DCBLD2: variants seen among roughly 807,000 people sequenced by gnomAD.
DCBLD2 encodes discoidin, CUB and LCCL domain containing 2, also known as discoidin, CUB and LCCL domain-containing protein 2.
A neutral mutation model predicts 86.8 loss-of-function variants in DCBLD2; 54 were observed. That is an observed-to-expected ratio of 0.62 (90% CI 0.50 to 0.78). The LOEUF (loss-of-function observed/expected upper bound fraction) is 0.78. Ranked by LOEUF, DCBLD2 falls within the 30% of genes least tolerant of loss-of-function variation. The probability of loss-of-function intolerance (pLI) is 0.00; values close to 1 mark genes in which losing one functional copy is unlikely to be tolerated. For missense variants in DCBLD2, 908 were observed against 954.2 expected (o/e 0.95, Z 0.64); for synonymous variants, 354 against 341.3 (o/e 1.04, Z -0.41).
At chr3:98,867,036 T>G (rs1576191818) in intron 2 of DCBLD2, among the ~76,000 whole-genome samples, 1 of 152,232 alleles carries the variant, frequency 6.6e-6, no homozygotes, top group Non-Finnish European at 1.5e-5. Flanking sequence ...GTATTATTTC[T>G]GAGGGCTCTG....
intron 1 of DCBLD2, among the ~76,000 whole-genome samples, chr3:98,883,495 C>T (rs1236434872): frequency 6.6e-6 from 1 of 152,104 alleles, no homozygotes; most frequent in Non-Finnish European, 1.5e-5. Flanking sequence ...CAGCTAAATA[C>T]AGAAACTTAG....
At chr3:98,879,585 C>T (rs1170131116) in intron 2 of DCBLD2, among the ~76,000 whole-genome samples, 1 of 152,126 alleles carries the variant, frequency 6.6e-6, no homozygotes, top group Non-Finnish European at 1.5e-5. Context: ...GGCAGGGTTT[C>T]ACCATGTTAG....
chr3:98,857,532 C>A (rs1942958236), intron 2 of DCBLD2, among the ~76,000 whole-genome samples: 1 of 152,152 alleles, frequency 6.6e-6, no homozygotes, highest in African/African-American at 2.4e-5. Context: ...CGTTTACAAT[C>A]CCTGAGCTAG....
chr3:98,872,371 CCTCT>C (rs1943294259), intron 2 of DCBLD2, among the ~76,000 whole-genome samples: 1 of 152,076 alleles, frequency 6.6e-6, no homozygotes, highest in East Asian at 1.9e-4. Context: ...TCCTCGGTCC[CCTCT>C]CTCTCTGCAC....
At chr3:98,848,257 A>G (rs894234490) in intron 3 of DCBLD2, among the ~76,000 whole-genome samples, 1 of 152,210 alleles carries the variant, frequency 6.6e-6, no homozygotes, top group African/African-American at 2.4e-5. Context: ...TAGTTTGCTA[A>G]AGATAAGGGC....
chr3:98,862,962 T>C (rs949125770), intron 2 of DCBLD2, among the ~76,000 whole-genome samples: 4 of 152,118 alleles, frequency 2.6e-5, no homozygotes, highest in African/African-American at 7.2e-5. Context: ...GATTGTATAT[T>C]TAGAAAACCC....
intron 1 of DCBLD2, among the ~76,000 whole-genome samples, chr3:98,889,211 G>A (rs1435784911): frequency 2.0e-5 from 3 of 151,922 alleles, no homozygotes; most frequent in Non-Finnish European, 2.9e-5. Flanking sequence ...ACTATAGAAA[G>A]AGAAAAAACT....
chr3:98,885,816 A>G (rs1943552097), intron 1 of DCBLD2, among the ~76,000 whole-genome samples: 2 of 151,750 alleles, frequency 1.3e-5, no homozygotes, highest in Non-Finnish European at 2.9e-5. Flanking sequence ...AGAGGACCCC[A>G]CAGAAGCAAT....
At chr3:98,864,037 G>A (rs2107502735) in intron 2 of DCBLD2, among the ~76,000 whole-genome samples, 1 of 152,218 alleles carries the variant, frequency 6.6e-6, no homozygotes, top group East Asian at 1.9e-4. Context: ...TCAACAAGTG[G>A]GCGAACGATA....
rs1559781597 is a variant in DCBLD2 at position 98,839,179 on chromosome 3, T to TTCCTTCCTTCCTTCCTTC, written c.571+10281_571+10282insGAAGGAAGGAAGGAAGGA. On this transcript the variant is annotated intron_variant, in intron 3 of 15. Transcript: ENST00000326840. ...TCTTTCTTTCTTTCTTTCCTTTCTT[T>TTCCTTCCTTCCTTCCTTC]CTTCCTTCCTTCCTTCCTTCCTTCC... Among the ~76,000 whole-genome samples, 573 of 113,184 alleles carry TTCCTTCCTTCCTTCCTTC rather than the reference T, an allele frequency of 5.1e-3. 11 individuals carry two copies. The highest frequency in any genetic ancestry group is 7.9e-3 in the Non-Finnish European group (427 of 54,212). The allele number at this position is 113,184 out of a possible 152,430, so 74.3% of individuals were successfully genotyped here. A position where few individuals can be genotyped will look rare whatever the true frequency, so the allele number is the denominator to read the frequency against.
chr3:98,839,325 C>T (rs1376816384), intron 3 of DCBLD2, among the ~76,000 whole-genome samples: 1 of 151,196 alleles, frequency 6.6e-6, no homozygotes, highest in Non-Finnish European at 1.5e-5. Context: ...TTGATGAATC[C>T]GTTTGTGTAC....
chr3:98,871,307 C>T (rs1943279020), intron 2 of DCBLD2, among the ~76,000 whole-genome samples: 2 of 152,276 alleles, frequency 1.3e-5, no homozygotes, highest in South Asian at 4.1e-4. Flanking sequence ...CTAGCTAGAA[C>T]TTCCAGTACT....
chr3:98,817,720 C>T (rs771835722), intron 9 of DCBLD2, 49 bp downstream of exon 9: 3 of 1,590,338 alleles, frequency 1.9e-6, no homozygotes, highest in Non-Finnish European at 2.6e-6. Flanking sequence ...GACTTGGCAA[C>T]CACCCATTTA....
At chr3:98,860,794 T>C (rs748536781) in intron 2 of DCBLD2, among the ~76,000 whole-genome samples, 8 of 152,132 alleles carry the variant, frequency 5.3e-5, no homozygotes, top group Admixed American at 2.6e-4. Flanking sequence ...AGACCATCAA[T>C]GCTTGGAAGA....
intron 1 of DCBLD2, among the ~76,000 whole-genome samples, chr3:98,883,851 T>C (rs1943515409): frequency 6.6e-6 from 1 of 152,154 alleles, no homozygotes; most frequent in African/African-American, 2.4e-5. Flanking sequence ...AACTTTCTAC[T>C]ATGTTGATTA....
At position 98,799,470 on chromosome 3, in the gene DCBLD2, C is replaced by A. The variant is rs762847136; in HGVS notation, c.2230G>T (p.Ala744Ser). ...ACCTGGTACACCAATTCGTCTGGGG[C>A]AGGTAGACCTGGCTTCCCAGCTTTC... Reference protein sequence around the residue: ...TPKAGKPGLPAPDELVYQVPQ... With the variant: ...TPKAGKPGLPSPDELVYQVPQ... The change falls in exon 16 of 16, where the codon GCC becomes TCC. Residue 744 changes from alanine to serine, a missense_variant. Ala to Ser is a moderately conservative substitution (Grantham distance 99). This residue lies in a region of DCBLD2 where 606 missense variants were observed against 678.5 expected (regional missense o/e 0.89). Coordinates refer to ENST00000326840, the MANE Select transcript of DCBLD2 (RefSeq NM_080927.4). The A allele has an allele frequency of 1.2e-5, 20 of 1,613,906 alleles. No individual in the cohort carries two copies. The highest frequency in any genetic ancestry group is 5.9e-6 in the Non-Finnish European group (7 of 1,179,894).
chr3:98,796,716 T>G lies in DCBLD2; in HGVS notation c.*2656A>C, dbSNP rs1399083536. ...ACCCATCACATCCAACAGGATCTAT[T>G]TAGATTTACAGCATTTAATAAAGTA... On this transcript the variant is annotated 3_prime_UTR_variant, in exon 16 of 16. Transcript: ENST00000326840. 6.6e-6 allele frequency: 1 copy of G among 152,668 alleles called. No homozygotes were observed. The highest frequency in any genetic ancestry group is 2.4e-5 in the African/African-American group (1 of 41,454). 9.5% of individuals were successfully genotyped at this position (152,668 alleles called of 1,614,324 possible). A position where few individuals can be genotyped will look rare whatever the true frequency, so the allele number is the denominator to read the frequency against.
chr3:98,871,880 T>C (rs1353711859), intron 2 of DCBLD2, among the ~76,000 whole-genome samples: 3 of 152,216 alleles, frequency 2.0e-5, no homozygotes, highest in African/African-American at 7.2e-5. Flanking sequence ...TCTGGTAAAA[T>C]TCAGCTGTGA....
chr3:98,890,394 T>G (rs1390751014), intron 1 of DCBLD2: 1 of 152,058 alleles, frequency 6.6e-6, no homozygotes, highest in Non-Finnish European at 1.5e-5. Context: ...GATCCTACCT[T>G]AGAGTCTTAG....
Sources: allele counts gnomAD v4.1 joint callset (sites outside exome capture counted in the v4.1 genomes callset), GRCh38; gene constraint gnomAD v4.1.1; regional missense constraint gnomAD v4.1.1; transcripts MANE v1.5; gene names NCBI Gene and HGNC (gene_info 2026-07-23, HGNC 2026-07-21).